Variants in MCF2L2 observed in about 807,000 individuals in gnomAD.
MCF2L2 encodes the protein probable guanine nucleotide exchange factor MCF2L2.
MCF2L2 carries 102 observed loss-of-function variants against 150.2 expected under a neutral mutation model. The ratio of observed to expected loss-of-function variants is 0.68; its 90% CI spans 0.58 to 0.80. MCF2L2 has a LOEUF of 0.80. MCF2L2 is among the 30% of genes least tolerant of loss of function. MCF2L2 has a pLI of 0.00. For missense variants in MCF2L2, 1,256 were observed against 1,372.8 expected (o/e 0.91, Z 1.34); for synonymous variants, 465 against 491.3 (o/e 0.95, Z 0.71).
chr3:183,319,846 C>G (rs1729739175), intron 6 of MCF2L2, among the ~76,000 whole-genome samples: 2 of 152,166 alleles, frequency 1.3e-5, no homozygotes, highest in South Asian at 4.1e-4. Context: ...TTCTAGGGCA[C>G]AGGCAGAGTA....
Position 183,283,527 on chromosome 3 carries a change from C to CTT in MCF2L2, c.1776+5591_1776+5592dup, listed in dbSNP as rs879544498. 5.3e-4 allele frequency among the ~76,000 whole-genome samples: 77 copies of CTT among 144,626 alleles called. 1 individual carries two copies. The highest frequency in any genetic ancestry group is 1.9e-3 in the African/African-American group (76 of 39,702). 94.9% of individuals were successfully genotyped at this position (144,626 alleles called of 152,430 possible). A position where few individuals can be genotyped will look rare whatever the true frequency, so the allele number is the denominator to read the frequency against. On this transcript the variant is annotated intron_variant, in intron 14 of 29. Coordinates refer to ENST00000328913, the MANE Select transcript of MCF2L2 (RefSeq NM_015078.4). This position sits in a 1 kb window ranked among gnomAD's most constrained non-coding sequence, Gnocchi z 4.2. Reference sequence around the variant, plus strand: ...CCCACCTTTCAGAGTTCTATTTATTCTTTTTTTTTTTTTAGATGGAGTCTC... The same window carrying CTT: ...CCCACCTTTCAGAGTTCTATTTATTCTTTTTTTTTTTTTTTAGATGGAGTCTC...
chr3:183,247,024 GCAAGTGAATTCT>G (rs1442798281), intron 15 of MCF2L2, among the ~76,000 whole-genome samples: 1 of 152,180 alleles, frequency 6.6e-6, no homozygotes, highest in Non-Finnish European at 1.5e-5. Flanking sequence ...TGTCTTGCAA[GCAAGTGAATTCT>G]CAATAAGTGT....
chr3:183,404,036 C>G (rs944302743), intron 1 of MCF2L2, among the ~76,000 whole-genome samples: 1 of 152,012 alleles, frequency 6.6e-6, no homozygotes. Context: ...CAATTTTAAA[C>G]CTTTTATGTT....
chr3:183,270,479 C>G lies in MCF2L2; in HGVS notation c.1862+6393G>C. The G allele has an allele frequency of 6.2e-7, 1 of 1,614,058 alleles. No homozygotes were observed. The highest frequency in any genetic ancestry group is 1.3e-5 in the African/African-American group (1 of 74,980). On this transcript the variant is annotated intron_variant, in intron 15 of 29. Coordinates refer to ENST00000328913, the MANE Select transcript of MCF2L2 (RefSeq NM_015078.4). The surrounding 1 kb of genome is among the most constrained non-coding windows in gnomAD (Gnocchi z 4.5). The stretch of plus-strand genomic sequence containing the variant: ...GGATTGGTCGTGTTCATCGTGGTGC[C>G]CCTCCCATTAGAGATAAAAGCAGCA...
rs752499455 is a variant in MCF2L2, at chr3:183,270,604, A to G, written c.1862+6268T>C. ...TCCGGTGATGTAGCTGCCAAAGTCT[A>G]TGAGGCATCACAGACACTAAATTCA... is the stretch of plus-strand genomic sequence containing the variant. On this transcript the variant is annotated intron_variant, in intron 15 of 29. Transcript: ENST00000328913. The surrounding 1 kb of genome is among the most constrained non-coding windows in gnomAD (Gnocchi z 4.5). 22 of 1,614,100 alleles carry G rather than the reference A, an allele frequency of 1.4e-5. No individual in the cohort carries two copies. The highest frequency in any genetic ancestry group is 1.8e-5 in the Non-Finnish European group (21 of 1,180,050).
Position 183,233,944 on chromosome 3 carries a change from G to C in MCF2L2, c.1863-2927C>G, listed in dbSNP as rs374538715. Among the ~76,000 whole-genome samples the C allele has an allele frequency of 5.9e-5, 9 of 151,928 alleles. No individual in the cohort carries two copies. In the South Asian group the frequency reaches 1.0e-3, roughly 17 times the overall value. ...TGTCTATTTATAAATACTTGTATAAGACAAGACTGATAAACAAGATGTACC... is the reference window on the plus strand; with the variant it reads ...TGTCTATTTATAAATACTTGTATAACACAAGACTGATAAACAAGATGTACC... On this transcript the variant is annotated intron_variant, in intron 15 of 29. Coordinates refer to ENST00000328913, the MANE Select transcript of MCF2L2 (RefSeq NM_015078.4).
At chr3:183,353,132 T>C (rs1000792840) in intron 3 of MCF2L2, among the ~76,000 whole-genome samples, 1 of 152,198 alleles carries the variant, frequency 6.6e-6, no homozygotes, top group Non-Finnish European at 1.5e-5. Context: ...TAAATTTTTC[T>C]GTAGTTTCCA....
Position 183,427,993 on chromosome 3 carries a change from T to A in MCF2L2, c.-16A>T. Reference sequence around the variant, plus strand: ...AAGACAGCATTTCACTGAAAAACCATTCCGTATAAATAAAGCCAAACAAAA... The same window carrying A: ...AAGACAGCATTTCACTGAAAAACCAATCCGTATAAATAAAGCCAAACAAAA... On this transcript the variant is annotated 5_prime_UTR_variant, in exon 1 of 30. It removes an upstream start codon present in the reference 5' UTR. Transcript: ENST00000328913. The A allele has an allele frequency of 6.2e-7, 1 of 1,602,870 alleles. No individual in the cohort carries two copies. Among genetic ancestry groups the A allele is most frequent in the Non-Finnish European group, 8.5e-7 (1 of 1,170,074 alleles).
chr3:183,279,518 T>C (rs1445895874), intron 14 of MCF2L2, among the ~76,000 whole-genome samples: 1 of 152,168 alleles, frequency 6.6e-6, no homozygotes, highest in Non-Finnish European at 1.5e-5. Flanking sequence ...CACTGCATCC[T>C]TTTTCCCTTC....
At chr3:183,387,632 T>G (rs1347938949) in intron 2 of MCF2L2, among the ~76,000 whole-genome samples, 5 of 152,176 alleles carry the variant, frequency 3.3e-5, no homozygotes, top group African/African-American at 1.2e-4. Context: ...CATTATGTCA[T>G]TTAATCCTCA....
chr3:183,297,628 T>TTTCCTTCCTTCCTCCCTTCC (rs1553776738), intron 11 of MCF2L2: 6 of 93,298 alleles, frequency 6.4e-5, no homozygotes, highest in African/African-American at 3.3e-4. Flanking sequence ...CAGGCTAATT[T>TTTCCTTCCTTCCTCCCTTCC]TTCCTTCCTT....
rs972400950 is a variant in MCF2L2, at chr3:183,197,039, A to G, written c.2885-1784T>C. Among the ~76,000 whole-genome samples the G allele has an allele frequency of 6.6e-6, 1 of 152,208 alleles. No individual in the cohort carries two copies. The highest frequency in any genetic ancestry group is 6.6e-5 in the Admixed American group (1 of 15,264). On this transcript the variant is annotated intron_variant, in intron 25 of 29. Transcript: ENST00000328913. This position sits in a 1 kb window ranked among gnomAD's most constrained non-coding sequence, Gnocchi z 4.5. ...TTAGATTAAGCTTAATATTGTTAAG[A>G]AGTCAATTCTCACCAAATTGTTCTA... is the stretch of plus-strand genomic sequence containing the variant.
chr3:183,195,192 T>TGGACTCAATATGAAACATCCAAA (rs1722039807), intron 26 of MCF2L2, 30 bp downstream of exon 26: 2 of 1,560,412 alleles, frequency 1.3e-6, no homozygotes, highest in Non-Finnish European at 1.7e-6. Flanking sequence ...GCATTTGACA[T>TGGACTCAATATGAAACATCCAAA]GCCTTTAAAA....
In MCF2L2 at chr3:183,315,185, C is replaced by T. The variant is rs183467299; in HGVS notation, c.753+2883G>A. Among the ~76,000 whole-genome samples the T allele has an allele frequency of 3.9e-3, 594 of 151,702 alleles. 3 individuals carry two copies. The highest frequency in any genetic ancestry group is 0.02 in the South Asian group (96 of 4,792). ...CTCCTGACCTCAGGTGATCCACCCC[C>T]GCCTCGGCCTCCCAAAGTGCTGGGA... On this transcript the variant is annotated intron_variant, in intron 7 of 29. Coordinates refer to ENST00000328913, the MANE Select transcript of MCF2L2 (RefSeq NM_015078.4).
chr3:183,261,350 A>G (rs565462203), intron 15 of MCF2L2, among the ~76,000 whole-genome samples: 2 of 152,362 alleles, frequency 1.3e-5, no homozygotes, highest in South Asian at 4.1e-4. Flanking sequence ...AATACTTGGA[A>G]TATAGAACAA....
intron 3 of MCF2L2, among the ~76,000 whole-genome samples, chr3:183,356,489 G>T (rs1200406900): frequency 6.6e-6 from 1 of 152,086 alleles, no homozygotes; most frequent in Non-Finnish European, 1.5e-5. Context: ...CTCCAGCCTG[G>T]CAACAGAGCA....
chr3:183,228,210 A>G (rs965000593), intron 18 of MCF2L2, 87 bp downstream of exon 18: 4 of 938,108 alleles, frequency 4.3e-6, no homozygotes, highest in Non-Finnish European at 6.9e-6. Context: ...TTTTTAGACC[A>G]TTGATGTTTC....
At chr3:183,380,371 T>C (rs1713448442) in intron 2 of MCF2L2, among the ~76,000 whole-genome samples, 1 of 152,168 alleles carries the variant, frequency 6.6e-6, no homozygotes, top group African/African-American at 2.4e-5. Context: ...GCACTACTAC[T>C]ACCATATGAA....
At chr3:183,189,205 A>G (rs1320489450) in intron 27 of MCF2L2, among the ~76,000 whole-genome samples, 4 of 152,178 alleles carry the variant, frequency 2.6e-5, no homozygotes, top group Non-Finnish European at 5.9e-5. Flanking sequence ...AGGCTTCTCC[A>G]TTTCCGAGCC....
Sources: gnomAD v4.1 joint callset for allele counts (sites outside exome capture counted in the v4.1 genomes callset) on GRCh38, gnomAD v4.1.1 for gene constraint, Gnocchi (gnomAD v3.1) non-coding constraint, MANE v1.5 for transcripts, NCBI Gene and HGNC (gene_info 2026-07-23, HGNC 2026-07-21) for gene names.